Variants in VPS13D observed in about 807,000 individuals in gnomAD.
VPS13D encodes vacuolar protein sorting 13 homolog D, also known as intermembrane lipid transfer protein VPS13D.
VPS13D carries 187 observed loss-of-function variants against 461.9 expected under a neutral mutation model. The observed-to-expected ratio is 0.40, with a 90% CI of 0.36 to 0.46. The LOEUF (loss-of-function observed/expected upper bound fraction) is 0.46. Ranked by LOEUF, VPS13D falls within the 20% of genes least tolerant of loss-of-function variation. VPS13D has a pLI of 0.60. For missense variants in VPS13D, 4,711 were observed against 5,364.9 expected, an observed-to-expected ratio of 0.88 and a Z score of 3.81; for synonymous variants, 1,951 against 1,986.3, an observed-to-expected ratio of 0.98 and a Z score of 0.47.
At chr1:12,335,943 T>C in intron 39 of VPS13D, 116 bp downstream of exon 39, 1 of 1,471,638 alleles carries the variant, frequency 6.8e-7, no homozygotes, top group African/African-American at 1.4e-5. Context: ...CAGGAAATTC[T>C]GACTATCTTC....
rs575449008 is a variant in VPS13D, at chr1:12,474,413, G to A, written c.12662+14017G>A. Among the ~76,000 whole-genome samples the A allele has an allele frequency of 3.9e-5, 6 of 151,902 alleles. No homozygotes were observed. The South Asian group carries it at 6.3e-4, about 16-fold the overall frequency. ...TTTCAGTGGGGCTCTTGGAACTGTC[G>A]AGGGCTGATCTGTCTGACTCCCACC... On this transcript the variant is annotated intron_variant, in intron 67 of 69. Transcript: ENST00000620676.
Position 12,379,590 on chromosome 1 carries a change from C to T in VPS13D, c.11184C>T (p.Val3728=), listed in dbSNP as rs201339134. The T allele has an allele frequency of 2.5e-6, 4 of 1,612,230 alleles. No individual in the cohort carries two copies. The highest frequency in any genetic ancestry group is 1.7e-5 in the Admixed American group (1 of 59,744). The part of the protein sequence containing the change: ...GKLTCGLHGL[V]VQAKGGLSGL... ...TGACCTGTGGGTTACATGGGTTGGT[C>T]GTCCAGGTCAGTCGTTTTTGATCCC... Residue 3728 remains valine (V), a synonymous_variant, in exon 57 of 70, where the codon GTC becomes GTT. Coordinates refer to ENST00000620676, the MANE Select transcript of VPS13D (RefSeq NM_015378.4).
Position 12,373,820 on chromosome 1 carries a change from G to A in VPS13D, c.10879G>A (p.Val3627Ile). ...TACCTGTGCGGAGCTCGTTTTGGAT[G>A]TCTCACCCAAGACACAAAGAGTCAT... ...AITCAELVLD[V>I]SPKTQRVILK... Residue 3627 changes from valine to isoleucine, a missense_variant, in exon 55 of 70, where the codon GTC (valine) becomes ATC (isoleucine). Val to Ile is a conservative substitution (Grantham distance 29). Transcript: ENST00000620676. 1 of 1,607,182 alleles carries A rather than the reference G, an allele frequency of 6.2e-7. No homozygotes were observed. Among genetic ancestry groups the A allele is most frequent in the Non-Finnish European group, 8.5e-7 (1 of 1,176,636 alleles).
At chr1:12,278,376 T>C (rs778622433) in intron 19 of VPS13D, among the ~76,000 whole-genome samples, 1 of 152,154 alleles carries the variant, frequency 6.6e-6, no homozygotes, top group Non-Finnish European at 1.5e-5. Flanking sequence ...GTTCAAGTGA[T>C]TCTCCTGGCT....
chr1:12,325,373 C>T (rs911317445), intron 35 of VPS13D, among the ~76,000 whole-genome samples: 10 of 152,180 alleles, frequency 6.6e-5, no homozygotes, highest in Non-Finnish European at 1.5e-4. Flanking sequence ...GATACTCCTG[C>T]CTCAGCCTTC....
intron 68 of VPS13D, chr1:12,499,955 T>A: frequency 1.0e-6 from 1 of 985,436 alleles, no homozygotes; most frequent in Non-Finnish European, 1.2e-6. Flanking sequence ...GACCTAATTA[T>A]TTGCGTATTT....
At chr1:12,399,686 G>T (rs896575346) in intron 60 of VPS13D, among the ~76,000 whole-genome samples, 1 of 150,532 alleles carries the variant, frequency 6.6e-6, no homozygotes, top group South Asian at 2.1e-4. Context: ...GGGCATAGTG[G>T]TGCATGCCTG....
intron 67 of VPS13D, among the ~76,000 whole-genome samples, chr1:12,494,627 G>A (rs1405853895): frequency 6.6e-6 from 1 of 152,194 alleles, no homozygotes; most frequent in Non-Finnish European, 1.5e-5. Context: ...CTCCTGCCTG[G>A]TAGCATGTTT....
intron 7 of VPS13D, among the ~76,000 whole-genome samples, chr1:12,255,144 C>T (rs1160577075): frequency 6.6e-6 from 1 of 151,980 alleles, no homozygotes. Context: ...CGAGGTTTCG[C>T]CATGTTGGCC....
In VPS13D at chr1:12,456,636, C is replaced by CAAA. The variant is rs367987300; in HGVS notation, c.12466+528_12466+530dup. Among the ~76,000 whole-genome samples the CAAA allele has an allele frequency of 2.4e-3, 201 of 83,538 alleles. 1 individual carries two copies. Among genetic ancestry groups the CAAA allele is most frequent in the African/African-American group, 6.7e-3 (144 of 21,646 alleles). The allele number at this position is 83,538 out of a possible 152,430, so 54.8% of individuals were successfully genotyped here. ...CTGGCAACAGAGCAAGACTCCAATTCAAAAAAAAAAAAAAAAAAAAAAAAG... is the reference window on the plus strand; with the variant it reads ...CTGGCAACAGAGCAAGACTCCAATTCAAAAAAAAAAAAAAAAAAAAAAAAAAAG... On this transcript the variant is annotated intron_variant, in intron 66 of 69. Transcript: ENST00000620676.
intron 63 of VPS13D, among the ~76,000 whole-genome samples, chr1:12,413,662 A>G (rs760494230): frequency 3.3e-5 from 5 of 152,092 alleles, no homozygotes; most frequent in Admixed American, 1.3e-4. Flanking sequence ...TGTAGAGACA[A>G]GGTCTTACTT....
At chr1:12,278,257 C>T (rs1319693403) in intron 19 of VPS13D, among the ~76,000 whole-genome samples, 1 of 152,096 alleles carries the variant, frequency 6.6e-6, no homozygotes, top group African/African-American at 2.4e-5. Flanking sequence ...CAGGAATTTA[C>T]TTACTTTTAT....
intron 67 of VPS13D, among the ~76,000 whole-genome samples, chr1:12,461,396 C>A (rs911992943): frequency 6.6e-6 from 1 of 152,126 alleles, no homozygotes; most frequent in Non-Finnish European, 1.5e-5. Context: ...GGAAATGCTC[C>A]GATTGTGGAC....
At chr1:12,379,687 C>A in intron 57 of VPS13D, 91 bp downstream of exon 57, 1 of 884,938 alleles carries the variant, frequency 1.1e-6, no homozygotes, top group Non-Finnish European at 1.7e-6. Context: ...ATGAATTGTT[C>A]AGTGGGAAAA....
chr1:12,345,346 A>G (rs1643653312), intron 42 of VPS13D, 28 bp from the exon 43 acceptor site: 3 of 1,591,800 alleles, frequency 1.9e-6, no homozygotes, highest in Non-Finnish European at 2.6e-6. Context: ...ATTGTGCCTA[A>G]TATCTTTTTC....
At position 12,502,299 on chromosome 1, in the gene VPS13D, G is replaced by A. The variant is rs147038605; in HGVS notation, c.12795-4554G>A. Among the ~76,000 whole-genome samples, 663 of 152,282 alleles carry A rather than the reference G, an allele frequency of 4.4e-3. 5 individuals carry two copies. The highest frequency in any genetic ancestry group is 0.014 in the African/African-American group (595 of 41,572). On this transcript the variant is annotated intron_variant, in intron 68 of 69. Transcript: ENST00000620676. The surrounding 1 kb of genome is among the most constrained non-coding windows in gnomAD (Gnocchi z 4.3). The stretch of plus-strand genomic sequence containing the variant: ...GGACAGATTGGAGAGGCATTTAGGA[G>A]GCAGCATCAGTGGAACCCTCAACTG...
chr1:12,473,700 A>C lies in VPS13D; in HGVS notation c.12662+13304A>C, dbSNP rs1225393291. On this transcript the variant is annotated intron_variant, in intron 67 of 69. Transcript: ENST00000620676. This position sits in a 1 kb window ranked among gnomAD's most constrained non-coding sequence, Gnocchi z 4.2. ...TTGGAATGTTGTGTGAAGGTGAAAC[A>C]GGGATTGTGTCCCTAGCTCTTACTT... 6.6e-6 allele frequency among the ~76,000 whole-genome samples: 1 copy of C among 152,214 alleles called. No homozygotes were observed. The highest frequency in any genetic ancestry group is 1.5e-5 in the Non-Finnish European group (1 of 68,044).
At chr1:12,271,645 G>A (rs1212250436) in intron 17 of VPS13D, among the ~76,000 whole-genome samples, 1 of 152,056 alleles carries the variant, frequency 6.6e-6, no homozygotes, top group Non-Finnish European at 1.5e-5. Flanking sequence ...CTCCAGCCTG[G>A]GCAACAGAGT....
chr1:12,371,750 T>C lies in VPS13D; in HGVS notation c.10809-2000T>C, dbSNP rs144022290. Among the ~76,000 whole-genome samples, 327 of 152,306 alleles carry C rather than the reference T, an allele frequency of 2.1e-3. 2 individuals carry two copies. The highest frequency in any genetic ancestry group is 7.4e-3 in the African/African-American group (306 of 41,556). On this transcript the variant is annotated intron_variant, in intron 54 of 69. Transcript: ENST00000620676. ...TGTGGCTGAATACTATGCTGTATAC[T>C]ACATTTTTGTTTATCCAGTTATTTG...
Sources: gnomAD v4.1 joint callset for allele counts (sites outside exome capture counted in the v4.1 genomes callset) on GRCh38, gnomAD v4.1.1 for gene constraint, Gnocchi (gnomAD v3.1) non-coding constraint, MANE v1.5 for transcripts, NCBI Gene and HGNC (gene_info 2026-07-23, HGNC 2026-07-21) for gene names.